The following KALRN variants were observed in gnomAD, a reference collection of about 807,000 sequenced individuals.
KALRN encodes kalirin RhoGEF kinase, also known as kalirin.
In KALRN, 70 loss-of-function variants were observed where a neutral mutation model predicts 353.7. The ratio of observed to expected loss-of-function variants is 0.20; its 90% CI spans 0.16 to 0.24. The LOEUF (loss-of-function observed/expected upper bound fraction) is 0.24, where lower values mean the gene tolerates loss of function less well. KALRN is among the 10% of genes least tolerant of loss of function. The pLI, the probability that KALRN is intolerant of heterozygous loss-of-function variation, is 1.00. For synonymous variants in KALRN, 1,391 were observed against 1,434.8 expected (o/e 0.97, Z 0.69); for missense variants, 2,791 against 3,756.7 (o/e 0.74, Z 6.72).
At chr3:124,230,508 G>A (rs2079022766) in intron 2 of KALRN, among the ~76,000 whole-genome samples, 1 of 152,162 alleles carries the variant, frequency 6.6e-6, no homozygotes, top group Non-Finnish European at 1.5e-5. Context: ...AGAGCCCTGG[G>A]CAGAGCCTCA....
chr3:124,309,730 C>A (rs1253191528), intron 6 of KALRN, among the ~76,000 whole-genome samples: 2 of 151,706 alleles, frequency 1.3e-5, no homozygotes, highest in Non-Finnish European at 2.9e-5. Context: ...TGACAAAATC[C>A]AACACCTATT....
rs376766227 is a variant in KALRN at position 124,466,465 on chromosome 3, T to A, written c.4031+3832T>A. On this transcript the variant is annotated intron_variant, in intron 25 of 59. Transcript: ENST00000682506. ...TTTTGCCTAGCATACAACTTGTAAT[T>A]CAAGAAAATAATTTGTTTTCAGCTT... Among the ~76,000 whole-genome samples, 4 of 146,356 alleles carry A rather than the reference T, an allele frequency of 2.7e-5. 1 individual carries two copies. The highest frequency in any genetic ancestry group is 2.0e-4 in the East Asian group (1 of 5,126).
chr3:124,482,919 A>G lies in KALRN; in HGVS notation c.4284+19A>G. ...CCTGAAGGTACCTCCCCTCCCCTCT[A>G]CATCCCCCTCCACTGCCTACTGCCT... On this transcript the variant is annotated intron_variant, in intron 28 of 59. Coordinates refer to ENST00000682506, the MANE Select transcript of KALRN (RefSeq NM_001388419.1). 1 of 1,512,034 alleles carries G rather than the reference A, an allele frequency of 6.6e-7. No individual in the cohort carries two copies. The highest frequency in any genetic ancestry group is 9.2e-7 in the Non-Finnish European group (1 of 1,086,788). The allele number at this position is 1,512,034 out of a possible 1,614,324, so 93.7% of individuals were successfully genotyped here. A position where few individuals can be genotyped will look rare whatever the true frequency, so the allele number is the denominator to read the frequency against.
chr3:124,372,928 G>A (rs1272851479), intron 10 of KALRN, among the ~76,000 whole-genome samples: 1 of 152,220 alleles, frequency 6.6e-6, no homozygotes, highest in Non-Finnish European at 1.5e-5. Flanking sequence ...TAGATGAGTG[G>A]CTACAATTAG....
chr3:124,688,010 T>C (rs2061639888), intron 51 of KALRN, among the ~76,000 whole-genome samples: 1 of 152,116 alleles, frequency 6.6e-6, no homozygotes, highest in Non-Finnish European at 1.5e-5. Flanking sequence ...CTTATGCTCA[T>C]TTAGAAATGA....
At chr3:124,288,363 T>C (rs1431821472) in intron 5 of KALRN, among the ~76,000 whole-genome samples, 1 of 152,056 alleles carries the variant, frequency 6.6e-6, no homozygotes, top group African/African-American at 2.4e-5. Context: ...ATCTGGAGAT[T>C]TGAGTGTGGG....
At chr3:124,247,845 G>A (rs1254969502) in intron 3 of KALRN, among the ~76,000 whole-genome samples, 1 of 151,918 alleles carries the variant, frequency 6.6e-6, no homozygotes, top group Non-Finnish European at 1.5e-5. Flanking sequence ...ATCAGTTGCA[G>A]AAGATTTCTG....
Position 124,694,488 on chromosome 3 carries a change from A to G in KALRN, c.7562A>G (p.Tyr2521Cys). ...ILDTDNSSAT[Y>C]TVSSCDSGEI... ...GACACTGATAACAGCTCAGCCACAT[A>G]CACGGTCTCCTCTTGGTAAGCCGAT... The change falls in exon 53 of 60, where the codon TAC becomes TGC. Residue 2521 changes from tyrosine to cysteine, a missense_variant. Physicochemically the swap from Tyr to Cys is radical, Grantham distance 194 (BLOSUM62 -2). This residue lies in a region of KALRN where 1,065 missense variants were observed against 1,156.4 expected (regional missense o/e 0.92). Transcript: ENST00000682506. 1 of 1,614,006 alleles carries G rather than the reference A, an allele frequency of 6.2e-7. No homozygotes were observed. The highest frequency in any genetic ancestry group is 8.5e-7 in the Non-Finnish European group (1 of 1,180,004).
intron 58 of KALRN, among the ~76,000 whole-genome samples, chr3:124,716,167 A>AT (rs1326197854): frequency 6.6e-6 from 1 of 152,188 alleles, no homozygotes; most frequent in African/African-American, 2.4e-5. Flanking sequence ...ATGGCTCCAT[A>AT]TACCATGTTC....
intron 48 of KALRN, among the ~76,000 whole-genome samples, chr3:124,672,780 C>G (rs73195557): frequency 0.028 from 4,248 of 152,334 alleles, 81 homozygotes; most frequent in East Asian, 0.079. Context: ...ATTCCCAGTT[C>G]TGCAACTCAC....
At chr3:124,481,364 A>G (rs2061965397) in intron 27 of KALRN, among the ~76,000 whole-genome samples, 1 of 151,618 alleles carries the variant, frequency 6.6e-6, no homozygotes, top group Non-Finnish European at 1.5e-5. Context: ...GTGCCACCAT[A>G]CCCAGCTAAT....
intron 37 of KALRN, among the ~76,000 whole-genome samples, chr3:124,642,704 A>C (rs569336256): frequency 3.3e-5 from 5 of 151,770 alleles, no homozygotes; most frequent in African/African-American, 1.2e-4. Flanking sequence ...CAGAATCCAG[A>C]TGGGGAAAAA....
intron 33 of KALRN, among the ~76,000 whole-genome samples, chr3:124,553,324 C>A (rs2713651): frequency 1.3e-5 from 2 of 152,024 alleles, no homozygotes; most frequent in Admixed American, 1.3e-4. Flanking sequence ...CAGATAGTAG[C>A]GATTGAGACA....
intron 34 of KALRN, among the ~76,000 whole-genome samples, chr3:124,568,751 A>C (rs1409495722): frequency 1.3e-5 from 2 of 152,248 alleles, no homozygotes; most frequent in Non-Finnish European, 2.9e-5. Flanking sequence ...AAAAGGACAA[A>C]TACTATATGA....
At chr3:124,184,449 C>T (rs1007875659) in intron 1 of KALRN, among the ~76,000 whole-genome samples, 1 of 152,116 alleles carries the variant, frequency 6.6e-6, no homozygotes, top group Non-Finnish European at 1.5e-5. Context: ...GGAATAAATT[C>T]CCAACTCGTT....
intron 1 of KALRN, chr3:124,163,694 G>C: frequency 2.0e-6 from 2 of 985,280 alleles, no homozygotes; most frequent in Non-Finnish European, 2.4e-6. Context: ...ACAGGACACT[G>C]AGCTGAGTGG....
At chr3:124,717,453 A>C (rs191867459) in intron 59 of KALRN, 68 bp downstream of exon 59, 1 of 1,157,398 alleles carries the variant, frequency 8.6e-7, no homozygotes. Context: ...TTGGGAGGCC[A>C]AGGTGGGCGG....
chr3:124,680,076 T>C (rs1311900315), intron 51 of KALRN, among the ~76,000 whole-genome samples: 2 of 152,254 alleles, frequency 1.3e-5, no homozygotes, highest in African/African-American at 2.4e-5. Flanking sequence ...GGTGTAATTG[T>C]AGCAACTCCA....
intron 11 of KALRN, among the ~76,000 whole-genome samples, chr3:124,386,372 A>G (rs544246463): frequency 6.6e-6 from 1 of 152,160 alleles, no homozygotes; most frequent in Non-Finnish European, 1.5e-5. Context: ...ATGAATGAAC[A>G]GGAGTCATGT....
Sources: gnomAD v4.1 joint callset for allele counts (sites outside exome capture counted in the v4.1 genomes callset) on GRCh38, gnomAD v4.1.1 for gene constraint, gnomAD v4.1.1 regional missense constraint, MANE v1.5 for transcripts, NCBI Gene and HGNC (gene_info 2026-07-23, HGNC 2026-07-21) for gene names.